HSD17B6: variants seen among roughly 807,000 people sequenced by gnomAD.
HSD17B6 encodes the protein 17-beta-hydroxysteroid dehydrogenase type 6.
Under a neutral mutation model 26.4 loss-of-function variants are expected in HSD17B6, and 16 were observed. The observed-to-expected ratio is 0.61, with a 90% CI of 0.41 to 0.92. The LOEUF is 0.92. Ranked by LOEUF, HSD17B6 falls within the 40% of genes least tolerant of loss-of-function variation. The pLI is 0.00. For missense variants in HSD17B6, 357 were observed against 386.1 expected, an observed-to-expected ratio of 0.92 and a Z score of 0.63; for synonymous variants, 139 against 153.0, an observed-to-expected ratio of 0.91 and a Z score of 0.68.
At chr12:56,772,714 G>A (rs12227131) in intron 1 of HSD17B6, among the ~76,000 whole-genome samples, 211 of 137,808 alleles carry the variant, frequency 1.5e-3, no homozygotes, top group Middle Eastern at 3.9e-3. Flanking sequence ...AAAAAAAAAA[G>A]AAAAAAAAAA....
intron 3 of HSD17B6, 124 bp downstream of exon 3, chr12:56,782,356 G>A: frequency 1.1e-6 from 1 of 948,650 alleles, no homozygotes; most frequent in Non-Finnish European, 1.5e-6. Flanking sequence ...ATTATTACTA[G>A]TCTATTTTAT....
intron 3 of HSD17B6, among the ~76,000 whole-genome samples, chr12:56,783,534 C>CG (rs1165595590): frequency 7.5e-6 from 1 of 132,730 alleles, no homozygotes; most frequent in South Asian, 2.5e-4. Flanking sequence ...GCCGGCCGGG[C>CG]GGGGGGCTGA....
At chr12:56,766,957 G>A (rs891945470) in intron 1 of HSD17B6, among the ~76,000 whole-genome samples, 18 of 152,150 alleles carry the variant, frequency 1.2e-4, no homozygotes, top group African/African-American at 4.3e-4. Flanking sequence ...CAGGAGCCAA[G>A]GGGCAAACGT....
rs1488621908 is a variant in HSD17B6, at chr12:56,784,705, G to A, written c.573-148G>A. 4.0e-5 allele frequency: 29 copies of A among 725,694 alleles called. No homozygotes were observed. The East Asian group carries it at 6.4e-4, about 16-fold the overall frequency. The allele number at this position is 725,694 out of a possible 1,614,324, so 45.0% of individuals were successfully genotyped here. ...AGGGAGACCGTGGGGAGAGGGAGAC[G>A]AGGGAGAGGGAGAGGGAGAGGGAGA... On this transcript the variant is annotated intron_variant, in intron 3 of 4. Transcript: ENST00000322165.
intron 3 of HSD17B6, among the ~76,000 whole-genome samples, chr12:56,783,164 C>G (rs1243690355): frequency 1.3e-5 from 2 of 151,754 alleles, no homozygotes; most frequent in African/African-American, 4.9e-5. Context: ...GGGTACACCT[C>G]CCAGACGGGG....
At chr12:56,784,702 G>C (rs1954836773) in intron 3 of HSD17B6, 151 bp from the exon 4 acceptor site, 2 of 741,396 alleles carry the variant, frequency 2.7e-6, no homozygotes, top group Admixed American at 5.6e-5. Context: ...GGGAGAGGGA[G>C]ACGAGGGAGA....
intron 2 of HSD17B6, among the ~76,000 whole-genome samples, chr12:56,780,802 T>C (rs1592371097): frequency 8.5e-6 from 1 of 118,148 alleles, no homozygotes; most frequent in Admixed American, 1.1e-4. Flanking sequence ...TGAGTGGAGA[T>C]CCCGCCACTG....
At chr12:56,785,393 C>T (rs1954854627) in intron 4 of HSD17B6, among the ~76,000 whole-genome samples, 2 of 152,296 alleles carry the variant, frequency 1.3e-5, no homozygotes, top group South Asian at 2.1e-4. Context: ...GGACACAAAG[C>T]CAAACCATAT....
rs1319552111 is a variant in HSD17B6 at position 56,783,161 on chromosome 12, C to T, written c.572+929C>T. On this transcript the variant is annotated intron_variant, in intron 3 of 4. Coordinates refer to ENST00000322165, the MANE Select transcript of HSD17B6 (RefSeq NM_003725.4). ...CGTTCTCAATGAGCTGTTGGGTACACCTCCCAGACGGGGTGGTGGCCGGGC... is the reference window on the plus strand; with the variant it reads ...CGTTCTCAATGAGCTGTTGGGTACATCTCCCAGACGGGGTGGTGGCCGGGC... 2.0e-5 allele frequency among the ~76,000 whole-genome samples: 3 copies of T among 152,144 alleles called. No homozygotes were observed. In the East Asian group the frequency reaches 5.8e-4, roughly 29 times the overall value.
chr12:56,786,247 GTGT>G (rs1241525292), intron 4 of HSD17B6, among the ~76,000 whole-genome samples: 1 of 142,466 alleles, frequency 7.0e-6, no homozygotes, highest in African/African-American at 2.5e-5. Context: ...ATTAAGTTGT[GTGT>G]TTTTTTTTTT....
intron 1 of HSD17B6, among the ~76,000 whole-genome samples, chr12:56,773,167 A>G (rs765444739): frequency 6.6e-6 from 1 of 152,188 alleles, no homozygotes; most frequent in Admixed American, 6.5e-5. Context: ...CACCCAAACT[A>G]TTGGATCTCC....
intron 1 of HSD17B6, among the ~76,000 whole-genome samples, chr12:56,765,054 G>C (rs1022457335): frequency 5.3e-5 from 8 of 151,986 alleles, no homozygotes; most frequent in Admixed American, 4.6e-4. Context: ...TGAACTCCTG[G>C]CCTCAAGTGA....
At chr12:56,779,189 T>G (rs1478409937) in intron 2 of HSD17B6, among the ~76,000 whole-genome samples, 1 of 152,026 alleles carries the variant, frequency 6.6e-6, no homozygotes, top group Non-Finnish European at 1.5e-5. Flanking sequence ...CAGGTTGGAG[T>G]GTAGTGCCAC....
intron 2 of HSD17B6, among the ~76,000 whole-genome samples, chr12:56,776,574 G>A (rs538450770): frequency 6.6e-6 from 1 of 151,920 alleles, no homozygotes; most frequent in Non-Finnish European, 1.5e-5. Flanking sequence ...TCCCAGTGTT[G>A]GGATTACAGG....
intron 1 of HSD17B6, among the ~76,000 whole-genome samples, chr12:56,765,558 T>A (rs2137891617): frequency 6.6e-6 from 1 of 152,090 alleles, no homozygotes; most frequent in Middle Eastern, 3.4e-3. Flanking sequence ...AGTGCGGTAG[T>A]GCAATCATGG....
intron 1 of HSD17B6, among the ~76,000 whole-genome samples, chr12:56,768,559 T>A (rs1204093593): frequency 6.6e-6 from 1 of 151,878 alleles, no homozygotes; most frequent in Admixed American, 6.6e-5. Context: ...CAAAATGTTG[T>A]GGGTAGGAAT....
chr12:56,767,924 T>C (rs1036324433), intron 1 of HSD17B6, among the ~76,000 whole-genome samples: 12 of 150,538 alleles, frequency 8.0e-5, no homozygotes, highest in African/African-American at 2.4e-4. Flanking sequence ...GTATACAATA[T>C]ACACACACAC....
chr12:56,773,970 G>A lies in HSD17B6; in HGVS notation c.118G>A (p.Gly40Ser), dbSNP rs746205672. 4.7e-5 allele frequency: 76 copies of A among 1,614,148 alleles called. No homozygotes were observed. In the South Asian group the frequency reaches 8.3e-4, roughly 18 times the overall value. The change falls in exon 2 of 5, where the codon GGC becomes AGC. Residue 40 changes from glycine to serine, a missense_variant. Coordinates refer to ENST00000322165, the MANE Select transcript of HSD17B6 (RefSeq NM_003725.4). ...TGTCTTTATCACGGGCTGTGACTCG[G>A]GCTTTGGGAACCTGCTGGCCAGACA... The part of the protein sequence containing the change: ...KYVFITGCDS[G>S]FGNLLARQLD...
At chr12:56,768,680 A>G (rs1346761007) in intron 1 of HSD17B6, among the ~76,000 whole-genome samples, 1 of 151,392 alleles carries the variant, frequency 6.6e-6, no homozygotes, top group African/African-American at 2.4e-5. Context: ...GAAGGCTAGT[A>G]AAGATTTGGA....
Sources: gnomAD v4.1 joint callset for allele counts (sites outside exome capture counted in the v4.1 genomes callset) on GRCh38, gnomAD v4.1.1 for gene constraint, MANE v1.5 for transcripts, NCBI Gene and HGNC (gene_info 2026-07-23, HGNC 2026-07-21) for gene names.